CNTN1: variants seen among roughly 807,000 people sequenced by gnomAD.
CNTN1 encodes contactin 1, also known as contactin-1.
In CNTN1, 38 loss-of-function variants were observed where a neutral mutation model predicts 126.4. The ratio of observed to expected loss-of-function variants is 0.30; its 90% confidence interval spans 0.23 to 0.39. The LOEUF is 0.39. Ranked by LOEUF, CNTN1 falls within the 10% of genes least tolerant of loss-of-function variation. CNTN1 has a pLI of 1.00. For missense variants in CNTN1, 1,009 were observed against 1,248.4 expected, an observed-to-expected ratio of 0.81 and a Z score of 2.89; for synonymous variants, 413 against 422.6, an observed-to-expected ratio of 0.98 and a Z score of 0.28.
chr12:40,872,575 T>TC (rs1439825892), intron 1 of CNTN1, among the ~76,000 whole-genome samples: 6 of 115,624 alleles, frequency 5.2e-5, no homozygotes, highest in African/African-American at 1.7e-4. Flanking sequence ...TTCTTTCTTT[T>TC]TTTTTTTTTT....
chr12:40,847,352 AT>A (rs1360959452), intron 1 of CNTN1, among the ~76,000 whole-genome samples: 5 of 152,194 alleles, frequency 3.3e-5, no homozygotes, highest in Non-Finnish European at 7.4e-5. Context: ...TTATTAAAGT[AT>A]CTTAAACTTG....
chr12:40,939,628 A>T (rs1274321965), intron 12 of CNTN1, 143 bp downstream of exon 12: 1 of 817,320 alleles, frequency 1.2e-6, no homozygotes, highest in African/African-American at 1.7e-5. Context: ...TCTAAGATGG[A>T]CAGAAATACC....
chr12:40,700,985 A>G (rs1165016074), intron 1 of CNTN1, among the ~76,000 whole-genome samples: 3 of 152,194 alleles, frequency 2.0e-5, no homozygotes, highest in Admixed American at 6.5e-5. Context: ...AAGTTAATGC[A>G]TGGAGAGGCT....
chr12:40,857,980 G>A (rs753397879), intron 1 of CNTN1, among the ~76,000 whole-genome samples: 1 of 152,104 alleles, frequency 6.6e-6, no homozygotes, highest in Non-Finnish European at 1.5e-5. Flanking sequence ...AATTTCTTTG[G>A]GTTAGGAGCA....
At chr12:40,988,221 C>A (rs61321581) in intron 16 of CNTN1, among the ~76,000 whole-genome samples, 4,199 of 152,214 alleles carry the variant, frequency 0.028, 192 homozygotes, top group African/African-American at 0.094. Context: ...TTTAAATTCT[C>A]ATTTCCAGTC....
intron 14 of CNTN1, among the ~76,000 whole-genome samples, chr12:40,952,084 C>T (rs958061552): frequency 3.5e-4 from 53 of 150,144 alleles, no homozygotes; most frequent in Admixed American, 3.3e-4. Flanking sequence ...AGTAAAATAA[C>T]AACATATCAT....
Position 40,849,929 on chromosome 12 carries a change from T to A in CNTN1, c.-76-58428T>A, listed in dbSNP as rs886444354. 2.6e-5 allele frequency among the ~76,000 whole-genome samples: 4 copies of A among 152,038 alleles called. No homozygotes were observed. In the East Asian group the frequency reaches 7.7e-4, roughly 29 times the overall value. Reference sequence around the variant, plus strand: ...GTATATATGCATCTCACCAAATATATATATCTCACTGTATTCTGTGAAACA... The same window carrying A: ...GTATATATGCATCTCACCAAATATAAATATCTCACTGTATTCTGTGAAACA... On this transcript the variant is annotated intron_variant, in intron 1 of 23. Transcript: ENST00000551295.
intron 6 of CNTN1, among the ~76,000 whole-genome samples, chr12:40,925,570 CGTATAT>C (rs1945623403): frequency 8.2e-6 from 1 of 122,442 alleles, no homozygotes; most frequent in Non-Finnish European, 1.7e-5. Flanking sequence ...CGTATATATA[CGTATAT>C]ACGTATATAT....
intron 16 of CNTN1, among the ~76,000 whole-genome samples, chr12:40,992,864 C>G (rs1948126315): frequency 6.6e-6 from 1 of 152,170 alleles, no homozygotes. Flanking sequence ...GTTAGACATG[C>G]AGAATTGCAG....
chr12:40,933,855 A>C lies in CNTN1; in HGVS notation c.962A>C (p.His321Pro). ...EAENIRGKDK[H>P]QARIYVQAFP... ...GAGAACATTAGAGGAAAGGATAAAC[A>C]TCAAGCAAGAATTTATGTTCAAGGT... Residue 321 changes from histidine to proline, a missense_variant, in exon 9 of 24, where the codon CAT (histidine) becomes CCT (proline). Physicochemically the swap from His to Pro is moderately conservative, Grantham distance 77 (BLOSUM62 -2). Coordinates refer to ENST00000551295, the MANE Select transcript of CNTN1 (RefSeq NM_001843.4). 6.2e-7 allele frequency: 1 copy of C among 1,612,034 alleles called. No individual in the cohort carries two copies. The highest frequency in any genetic ancestry group is 8.5e-7 in the Non-Finnish European group (1 of 1,178,494).
chr12:40,783,981 G>C (rs1398189702), intron 1 of CNTN1, among the ~76,000 whole-genome samples: 1 of 152,052 alleles, frequency 6.6e-6, no homozygotes, highest in African/African-American at 2.4e-5. Context: ...TCAGCTAACA[G>C]TAAAGAAAAA....
intron 17 of CNTN1, among the ~76,000 whole-genome samples, chr12:40,995,754 AAATT>A (rs1221866762): frequency 6.6e-6 from 1 of 152,228 alleles, no homozygotes; most frequent in Non-Finnish European, 1.5e-5. Flanking sequence ...TGTAAAAAAA[AAATT>A]AATTCTGTAA....
intron 1 of CNTN1, among the ~76,000 whole-genome samples, chr12:40,740,911 C>T (rs144641294): frequency 0.086 from 13,114 of 152,112 alleles, 759 homozygotes; most frequent in Non-Finnish European, 0.13. Flanking sequence ...GCCTCCCCAG[C>T]CATGTGGAAC....
chr12:40,792,372 T>C (rs1483417172), intron 1 of CNTN1, among the ~76,000 whole-genome samples: 1 of 152,112 alleles, frequency 6.6e-6, no homozygotes, highest in African/African-American at 2.4e-5. Context: ...TTATAGAAAA[T>C]ACAAGTGCTT....
intron 5 of CNTN1, among the ~76,000 whole-genome samples, chr12:40,923,876 TA>T (rs1945538429): frequency 6.6e-6 from 1 of 152,086 alleles, no homozygotes; most frequent in African/African-American, 2.4e-5. Flanking sequence ...TTCAATGTTA[TA>T]ATTTGGGTGC....
chr12:40,800,915 A>T (rs979378294), intron 1 of CNTN1, among the ~76,000 whole-genome samples: 2 of 151,902 alleles, frequency 1.3e-5, no homozygotes, highest in Non-Finnish European at 2.9e-5. Flanking sequence ...GGGCATAGGT[A>T]GGATTGTGGA....
intron 17 of CNTN1, among the ~76,000 whole-genome samples, chr12:40,995,615 TC>T (rs1197974815): frequency 6.6e-6 from 1 of 152,086 alleles, no homozygotes; most frequent in Non-Finnish European, 1.5e-5. Flanking sequence ...AGGACTTAGT[TC>T]CCCATCTGAT....
intron 1 of CNTN1, among the ~76,000 whole-genome samples, chr12:40,740,638 C>T (rs528151563): frequency 6.6e-6 from 1 of 152,164 alleles, no homozygotes; most frequent in Non-Finnish European, 1.5e-5. Flanking sequence ...CCTCTTGTCC[C>T]CTCCTGATAT....
At chr12:40,889,777 C>T (rs73275627) in intron 1 of CNTN1, among the ~76,000 whole-genome samples, 173 of 152,234 alleles carry the variant, frequency 1.1e-3, no homozygotes, top group African/African-American at 4.0e-3. Flanking sequence ...ATCATGAAGA[C>T]GAGCATTATG....
Sources: gnomAD v4.1 joint callset for allele counts (sites outside exome capture counted in the v4.1 genomes callset) on GRCh38, gnomAD v4.1.1 for gene constraint, MANE v1.5 for transcripts, NCBI Gene and HGNC (gene_info 2026-07-23, HGNC 2026-07-21) for gene names.